The following SPAG16 variants were observed in gnomAD, a reference collection of about 807,000 sequenced individuals.
The protein encoded by SPAG16 is sperm-associated antigen 16 protein.
In SPAG16, 86 loss-of-function variants were observed where a neutral mutation model predicts 80.4. The observed-to-expected ratio is 1.07, with a 90% CI of 0.90 to 1.28. SPAG16 has a LOEUF of 1.28. Ranked by LOEUF, SPAG16 falls within the 50% of genes most tolerant of loss-of-function variation. The pLI is 0.00. For synonymous variants in SPAG16, 294 were observed against 265.9 expected, an observed-to-expected ratio of 1.11 and a Z score of -1.03; for missense variants, 870 against 765.3, an observed-to-expected ratio of 1.14 and a Z score of -1.61.
At chr2:213,297,684 A>G (rs2062564923) in intron 3 of SPAG16, among the ~76,000 whole-genome samples, 1 of 152,184 alleles carries the variant, frequency 6.6e-6, no homozygotes, top group South Asian at 2.1e-4. Flanking sequence ...TACAAGTTCT[A>G]CAGTCTGTTT....
intron 15 of SPAG16, among the ~76,000 whole-genome samples, chr2:214,161,890 A>G (rs376070346): frequency 4.6e-5 from 7 of 152,292 alleles, no homozygotes; most frequent in African/African-American, 1.7e-4. Context: ...TAAAGAGTCA[A>G]AACTATTTTG....
chr2:213,810,539 T>G (rs981322570), intron 10 of SPAG16, among the ~76,000 whole-genome samples: 6 of 152,168 alleles, frequency 3.9e-5, no homozygotes, highest in African/African-American at 1.4e-4. Flanking sequence ...GGTACAAATG[T>G]GAGGACAGGT....
At chr2:213,762,726 A>G (rs900028292) in intron 10 of SPAG16, among the ~76,000 whole-genome samples, 1 of 152,194 alleles carries the variant, frequency 6.6e-6, no homozygotes, top group African/African-American at 2.4e-5. Flanking sequence ...TGTCTTGGCA[A>G]TGATTGCTTG....
chr2:213,453,843 G>T (rs756800563), intron 9 of SPAG16, among the ~76,000 whole-genome samples: 1 of 152,188 alleles, frequency 6.6e-6, no homozygotes, highest in Non-Finnish European at 1.5e-5. Flanking sequence ...AATCACATAG[G>T]TAGATTTTTT....
chr2:213,907,475 C>CA (rs34266823), intron 11 of SPAG16, among the ~76,000 whole-genome samples: 33,520 of 145,806 alleles, frequency 0.23, 4,194 homozygotes, highest in South Asian at 0.36. Context: ...GGAGGTTTCT[C>CA]AAAAAAAAAA....
chr2:214,394,288 A>C (rs1701241154), intron 15 of SPAG16, among the ~76,000 whole-genome samples: 1 of 151,878 alleles, frequency 6.6e-6, no homozygotes, highest in Admixed American at 6.6e-5. Context: ...TTTATTTTTA[A>C]ATATCAGCAT....
chr2:213,710,239 G>A (rs1018183803), intron 10 of SPAG16, among the ~76,000 whole-genome samples: 5 of 151,344 alleles, frequency 3.3e-5, no homozygotes, highest in African/African-American at 4.9e-5. Flanking sequence ...AGCCGAGATC[G>A]CACCACTGCG....
At chr2:213,451,992 C>T (rs2125579049) in intron 9 of SPAG16, among the ~76,000 whole-genome samples, 1 of 147,564 alleles carries the variant, frequency 6.8e-6, no homozygotes, top group African/African-American at 2.5e-5. Context: ...AGCTCAGCTT[C>T]CCTATCTTTG....
At chr2:213,535,673 C>T (rs1388284202) in intron 10 of SPAG16, among the ~76,000 whole-genome samples, 1 of 151,988 alleles carries the variant, frequency 6.6e-6, no homozygotes, top group Non-Finnish European at 1.5e-5. Flanking sequence ...TTTGAAATGC[C>T]AGTTTTTAAC....
At chr2:213,845,812 A>G (rs1323965687) in intron 10 of SPAG16, among the ~76,000 whole-genome samples, 1 of 152,132 alleles carries the variant, frequency 6.6e-6, no homozygotes, top group Non-Finnish European at 1.5e-5. Flanking sequence ...TCTCTTCTTA[A>G]CTGAACTCAC....
At chr2:214,041,976 G>GTATA (rs1412300296) in intron 13 of SPAG16, among the ~76,000 whole-genome samples, 66 of 88,216 alleles carry the variant, frequency 7.5e-4, no homozygotes, top group African/African-American at 3.4e-3. Flanking sequence ...GTGTCTGTGT[G>GTATA]TGTATATATA....
At chr2:213,400,232 G>A (rs1415783042) in intron 9 of SPAG16, among the ~76,000 whole-genome samples, 1 of 151,990 alleles carries the variant, frequency 6.6e-6, no homozygotes, top group Non-Finnish European at 1.5e-5. Flanking sequence ...TTCTTAAGTT[G>A]ATACATAACT....
At chr2:213,925,404 T>A (rs1246498670) in intron 11 of SPAG16, among the ~76,000 whole-genome samples, 1 of 150,762 alleles carries the variant, frequency 6.6e-6, no homozygotes, top group Non-Finnish European at 1.5e-5. Context: ...TAGGCTGGAG[T>A]GCAGTGTCAC....
intron 11 of SPAG16, among the ~76,000 whole-genome samples, chr2:213,922,809 T>C (rs1256607319): frequency 1.3e-5 from 2 of 152,210 alleles, no homozygotes; most frequent in African/African-American, 4.8e-5. Context: ...TGGCACCCTC[T>C]ATGATTACTG....
chr2:213,929,933 GCTGT>G (rs1488794965), intron 11 of SPAG16, 23 bp from the exon 12 acceptor site: 2 of 1,592,762 alleles, frequency 1.3e-6, no homozygotes, highest in East Asian at 2.2e-5. Context: ...TTTTAAACAA[GCTGT>G]CTTTTTATGT....
rs942798789 is a variant in SPAG16 at position 214,404,822 on chromosome 2, T to C, written c.1721-5318T>C. ...GAAATGGTAGAACCAGGGAGATAAT[T>C]TGGCTGGAGATATGGGAAGGGATGT... On this transcript the variant is annotated intron_variant, in intron 15 of 15. Transcript: ENST00000331683. Among the ~76,000 whole-genome samples the C allele has an allele frequency of 1.1e-4, 17 of 152,172 alleles. No individual in the cohort carries two copies. In the East Asian group the frequency reaches 2.9e-3, roughly 26 times the overall value.
At chr2:214,384,285 T>A (rs115578837) in intron 15 of SPAG16, among the ~76,000 whole-genome samples, 2 of 152,240 alleles carry the variant, frequency 1.3e-5, no homozygotes, top group African/African-American at 4.8e-5. Flanking sequence ...ATTTTTGTTT[T>A]ATAAGTGGAA....
At chr2:213,400,417 G>A (rs1303985722) in intron 9 of SPAG16, among the ~76,000 whole-genome samples, 1 of 152,064 alleles carries the variant, frequency 6.6e-6, no homozygotes, top group Non-Finnish European at 1.5e-5. Flanking sequence ...TTATGTAGAG[G>A]ACATTTTCAA....
At chr2:214,391,299 A>G (rs1468259701) in intron 15 of SPAG16, among the ~76,000 whole-genome samples, 3 of 152,208 alleles carry the variant, frequency 2.0e-5, no homozygotes, top group African/African-American at 7.2e-5. Context: ...CTTAAGGAAA[A>G]TGAAGGTCAA....
Sources: allele counts gnomAD v4.1 joint callset (sites outside exome capture counted in the v4.1 genomes callset), GRCh38; gene constraint gnomAD v4.1.1; transcripts MANE v1.5; gene names NCBI Gene and HGNC (gene_info 2026-07-23, HGNC 2026-07-21).